TMEM141: variants seen among roughly 807,000 people sequenced by gnomAD.
The protein encoded by TMEM141 is transmembrane protein 141.
TMEM141 carries 18 observed loss-of-function variants against 15.9 expected under a neutral mutation model. That is an observed-to-expected ratio of 1.13 (90% CI 0.78 to 1.68). TMEM141 has a LOEUF of 1.68. Among genes scored for constraint, TMEM141 ranks in the 40% most tolerant of loss-of-function variants. The probability of loss-of-function intolerance (pLI) is 0.00; values close to 1 mark genes in which losing one functional copy is unlikely to be tolerated. For synonymous variants in TMEM141, 69 were observed against 54.0 expected, an observed-to-expected ratio of 1.28 and a Z score of -1.22; for missense variants, 161 against 139.5, an observed-to-expected ratio of 1.15 and a Z score of -0.78.
Position 136,792,801 on chromosome 9 carries a change from T to C in TMEM141, c.314-18T>C, listed in dbSNP as rs1159212585. 1.9e-6 allele frequency: 3 copies of C among 1,553,002 alleles called. No homozygotes were observed. The highest frequency in any genetic ancestry group is 1.7e-6 in the Non-Finnish European group (2 of 1,147,460). On this transcript the variant is annotated intron_variant, in intron 4 of 4. Coordinates refer to ENST00000290079, the MANE Select transcript of TMEM141 (RefSeq NM_032928.4). ...ACGATGGATGTGGTTCGAGCTTGTC[T>C]CTCTTTGCCTTTTACAGATCAGAGA...
In TMEM141 at chr9:136,792,260, C is replaced by G; in HGVS notation, c.215C>G (p.Ser72Cys). 6.3e-7 allele frequency: 1 copy of G among 1,582,728 alleles called. No individual in the cohort carries two copies. ...ATTTCCTGCTCCACAGTTGCAGGCTCTGTGGTCAGCTACGGGGTGACGAGA... is the reference window on the plus strand; with the variant it reads ...ATTTCCTGCTCCACAGTTGCAGGCTGTGTGGTCAGCTACGGGGTGACGAGA... ...WSLLVAVVAG[S>C]VVSYGVTRVE... The change falls in exon 4 of 5, where the codon TCT becomes TGT. Residue 72 changes from serine to cysteine, a missense_variant. Coordinates refer to ENST00000290079, the MANE Select transcript of TMEM141 (RefSeq NM_032928.4).
intron 1 of TMEM141, 67 bp downstream of exon 1, chr9:136,791,491 G>T: frequency 6.5e-7 from 1 of 1,546,788 alleles, no homozygotes; most frequent in Non-Finnish European, 8.7e-7. Context: ...GCGGGGGGCC[G>T]GGGCGTGGGG....
Position 136,792,956 on chromosome 9 carries a change from G to A in TMEM141, c.*124G>A, listed in dbSNP as rs549450647. 32 of 1,275,664 alleles carry A rather than the reference G, an allele frequency of 2.5e-5. No homozygotes were observed. The East Asian group carries it at 6.0e-4, about 24-fold the overall frequency. The allele number at this position is 1,275,664 out of a possible 1,614,324, so 79.0% of individuals were successfully genotyped here. A position where few individuals can be genotyped will look rare whatever the true frequency, so the allele number is the denominator to read the frequency against. On this transcript the variant is annotated 3_prime_UTR_variant, in exon 5 of 5. Coordinates refer to ENST00000290079, the MANE Select transcript of TMEM141 (RefSeq NM_032928.4). Reference sequence around the variant, plus strand: ...GGTACCCCAGTCGTATCCTCTGTCCGCATGTGTGGCCAGGCCTGACAAACA... The same window carrying A: ...GGTACCCCAGTCGTATCCTCTGTCCACATGTGTGGCCAGGCCTGACAAACA...
At chr9:136,791,816 G>A (rs371127316) in intron 2 of TMEM141, 39 bp downstream of exon 2, 37 of 1,608,514 alleles carry the variant, frequency 2.3e-5, no homozygotes, top group African/African-American at 4.0e-5. Context: ...GGGAGAGAAC[G>A]CACCCTCCCG....
At chr9:136,792,787 G>A (rs1395741986) in intron 4 of TMEM141, 32 bp from the exon 5 acceptor site, 2 of 1,520,906 alleles carry the variant, frequency 1.3e-6, no homozygotes, top group African/African-American at 1.4e-5. Context: ...CGATGGATGT[G>A]GTTCGAGCTT....
intron 4 of TMEM141, 46 bp downstream of exon 4, chr9:136,792,404 G>A: frequency 2.7e-6 from 4 of 1,489,062 alleles, no homozygotes; most frequent in Non-Finnish European, 2.7e-6. Flanking sequence ...CACCTCTCCA[G>A]CACCCAGAGT....
chr9:136,792,145 C>A, intron 3 of TMEM141, 106 bp from the exon 4 acceptor site: 1 of 1,486,078 alleles, frequency 6.7e-7, no homozygotes, highest in Non-Finnish European at 9.2e-7. Context: ...CGGCGGGAGC[C>A]CCACCTGAGC....
In TMEM141 at chr9:136,792,866, C is replaced by T. The variant is rs200782196; in HGVS notation, c.*34C>T. ...CAGCAGGGGCACAGAGGATTGGGGG[C>T]AGGAGGAGTCTGGAACACAGCCTTC... On this transcript the variant is annotated 3_prime_UTR_variant, in exon 5 of 5. Coordinates refer to ENST00000290079, the MANE Select transcript of TMEM141 (RefSeq NM_032928.4). The T allele has an allele frequency of 3.9e-6, 6 of 1,525,516 alleles. No individual in the cohort carries two copies. Among genetic ancestry groups the T allele is most frequent in the African/African-American group, 1.4e-5 (1 of 71,814 alleles). The allele number at this position is 1,525,516 out of a possible 1,614,324, so 94.5% of individuals were successfully genotyped here.
intron 1 of TMEM141, 138 bp downstream of exon 1, chr9:136,791,562 G>C: frequency 1.3e-6 from 2 of 1,563,604 alleles, no homozygotes; most frequent in Non-Finnish European, 1.7e-6. Context: ...GGGGCTCAGG[G>C]CGTCCGGGTG....
rs1415983637 is a variant in TMEM141, at chr9:136,792,305, A to C, written c.260A>C (p.Asn87Thr). 1 of 1,590,490 alleles carries C rather than the reference A, an allele frequency of 6.3e-7. No homozygotes were observed. Among genetic ancestry groups the C allele is most frequent in the Non-Finnish European group, 8.6e-7 (1 of 1,168,140 alleles). The change falls in exon 4 of 5, where the codon AAC becomes ACC. Residue 87 changes from asparagine to threonine, a missense_variant. Physicochemically the swap from Asn to Thr is moderately conservative, Grantham distance 65. Transcript: ENST00000290079. ...ACGAGAGTGGAGTCGGAGAAATGCAACAACCTCTGGCTCTTCCTGGAGACC... is the reference window on the plus strand; with the variant it reads ...ACGAGAGTGGAGTCGGAGAAATGCACCAACCTCTGGCTCTTCCTGGAGACC... The part of the protein sequence containing the change: ...GVTRVESEKC[N>T]NLWLFLETGQ...
rs777824846 is a variant in TMEM141 at position 136,792,080 on chromosome 9, C to G, written c.205+50C>G. The G allele has an allele frequency of 8.1e-6, 13 of 1,607,384 alleles. No individual in the cohort carries two copies. In the Admixed American group the frequency reaches 8.3e-5, roughly 10 times the overall value. ...GGGCTCTTTGAGGGGTGGGTTTCTG[C>G]TAGGGTTGGGGCTGTGGTTCTGCGT... On this transcript the variant is annotated intron_variant, in intron 3 of 4. Transcript: ENST00000290079.
chr9:136,791,548 C>G (rs1374322916), intron 1 of TMEM141, 124 bp downstream of exon 1: 3 of 1,557,294 alleles, frequency 1.9e-6, no homozygotes, highest in Non-Finnish European at 2.6e-6. Flanking sequence ...CACTCTCTTG[C>G]TAAGGGGCTC....
chr9:136,792,809 C>T lies in TMEM141; in HGVS notation c.314-10C>T. 6.4e-7 allele frequency: 1 copy of T among 1,566,966 alleles called. No homozygotes were observed. Among genetic ancestry groups the T allele is most frequent in the Non-Finnish European group, 8.7e-7 (1 of 1,155,172 alleles). On this transcript the variant is annotated splice_polypyrimidine_tract_variant and intron_variant, in intron 4 of 4. Coordinates refer to ENST00000290079, the MANE Select transcript of TMEM141 (RefSeq NM_032928.4). Reference sequence around the variant, plus strand: ...TGTGGTTCGAGCTTGTCTCTCTTTGCCTTTTACAGATCAGAGAAGCTAGGA... The same window carrying T: ...TGTGGTTCGAGCTTGTCTCTCTTTGTCTTTTACAGATCAGAGAAGCTAGGA...
rs1847595977 is a variant in TMEM141, at chr9:136,792,029, G to A, written c.204G>A (p.Val68=). ...YPLQWSLLVA[V]VAGSVVSYGV... is the part of the protein sequence containing the mutation. ...TGCAGTGGAGCCTCCTAGTGGCCGT[G>A]GGTGGGTACTCCAGGGCCCCTGCCT... Residue 68 remains valine (V), a splice_region_variant and synonymous_variant, in exon 3 of 5, where the codon GTG becomes GTA. Transcript: ENST00000290079. 8.1e-6 allele frequency: 13 copies of A among 1,613,862 alleles called. No homozygotes were observed. Among genetic ancestry groups the A allele is most frequent in the Non-Finnish European group, 1.1e-5 (13 of 1,179,966 alleles).
intron 1 of TMEM141, 80 bp from the exon 2 acceptor site, chr9:136,791,631 G>T (rs182007330): frequency 2.5e-6 from 4 of 1,588,914 alleles, no homozygotes; most frequent in East Asian, 2.2e-5. Context: ...CACAGCCAGG[G>T]TGTGCCCAGA....
intron 3 of TMEM141, 39 bp from the exon 4 acceptor site, chr9:136,792,212 C>T (rs944059428): frequency 1.3e-6 from 2 of 1,534,654 alleles, no homozygotes; most frequent in East Asian, 2.4e-5. Flanking sequence ...GCCTGGGAAG[C>T]ACAGAGGCCC....
Position 136,793,129 on chromosome 9 carries a change from A to G in TMEM141, c.*297A>G. The G allele has an allele frequency of 4.0e-6, 1 of 252,442 alleles. No individual in the cohort carries two copies. Among genetic ancestry groups the G allele is most frequent in the Non-Finnish European group, 7.5e-6 (1 of 132,948 alleles). The allele number at this position is 252,442 out of a possible 1,614,324, so 15.6% of individuals were successfully genotyped here. A position where few individuals can be genotyped will look rare whatever the true frequency, so the allele number is the denominator to read the frequency against. On this transcript the variant is annotated 3_prime_UTR_variant, in exon 5 of 5. Transcript: ENST00000290079. ...AGGGTGTGTCTGGGGGCCACCACCT[A>G]TGGGACACGGGGTCGAAGGGGCCTG... is the stretch of plus-strand genomic sequence containing the variant.
At chr9:136,791,579 G>A in intron 1 of TMEM141, 132 bp from the exon 2 acceptor site, 1 of 1,567,430 alleles carries the variant, frequency 6.4e-7, no homozygotes, top group East Asian at 2.3e-5. Context: ...GGTGGGCATA[G>A]GGGAGGTGGG....
At position 136,791,739 on chromosome 9, in the gene TMEM141, C is replaced by G; in HGVS notation, c.83C>G (p.Ser28Ter). 8.1e-6 allele frequency: 13 copies of G among 1,613,474 alleles called. No individual in the cohort carries two copies. The highest frequency in any genetic ancestry group is 1.1e-5 in the Non-Finnish European group (13 of 1,179,938). Reference protein sequence around the residue: ...PGLGEYAACQSHAFMKGVFTF... With the variant: ...PGLGEYAACQ ...CTCGGGGAGTATGCCGCATGCCAGT[C>G]ACACGCCTTCATGAAGGGCGTTTTC... Residue 28 changes from serine to a stop codon, truncating the protein, a stop_gained, in exon 2 of 5, where the codon TCA becomes TGA. Coordinates refer to ENST00000290079, the MANE Select transcript of TMEM141 (RefSeq NM_032928.4). LOFTEE classifies it high-confidence loss of function.
Sources: gnomAD v4.1 joint callset for allele counts on GRCh38, gnomAD v4.1.1 for gene constraint, MANE v1.5 for transcripts, NCBI Gene and HGNC (gene_info 2026-07-23, HGNC 2026-07-21) for gene names.